CAMSAP2: variants seen among roughly 807,000 people sequenced by gnomAD.
CAMSAP2 encodes the protein calmodulin regulated spectrin associated protein family member 2, also known as calmodulin-regulated spectrin-associated protein 2.
CAMSAP2 carries 26 observed loss-of-function variants against 146.1 expected under a neutral mutation model. The ratio of observed to expected loss-of-function variants is 0.18; its 90% CI spans 0.13 to 0.25. CAMSAP2 has a LOEUF of 0.25. CAMSAP2 is among the 10% of genes least tolerant of loss of function. The pLI is 1.00. For synonymous variants in CAMSAP2, 499 were observed against 596.6 expected, an observed-to-expected ratio of 0.84 and a Z score of 2.38; for missense variants, 1,381 against 1,759.3, an observed-to-expected ratio of 0.78 and a Z score of 3.85.
chr1:200,820,555 G>A (rs1225225609), intron 4 of CAMSAP2, among the ~76,000 whole-genome samples: 1 of 152,164 alleles, frequency 6.6e-6, no homozygotes, highest in Non-Finnish European at 1.5e-5. Flanking sequence ...CCCCCTGTGA[G>A]AGAGTAGGTA....
Position 200,853,474 on chromosome 1 carries a change from ACAC to A in CAMSAP2, c.3805_3807del (p.Pro1269del). On this transcript the variant is annotated inframe_deletion, in exon 13 of 17. Transcript: ENST00000358823. This position sits in a 1 kb window ranked among gnomAD's most constrained non-coding sequence, Gnocchi z 5.1. Reference sequence around the variant, plus strand: ...CAGAGATCATATTGAATCCCCCAAAACACCAATAAAGGGTCCTCCAGGTAACAT... The same window carrying A: ...CAGAGATCATATTGAATCCCCCAAAACAATAAAGGGTCCTCCAGGTAACAT... The A allele has an allele frequency of 6.2e-7, 1 of 1,613,050 alleles. No homozygotes were observed. Among genetic ancestry groups the A allele is most frequent in the African/African-American group, 1.3e-5 (1 of 74,946 alleles).
intron 2 of CAMSAP2, among the ~76,000 whole-genome samples, chr1:200,788,099 T>A (rs1180012876): frequency 6.6e-6 from 1 of 152,184 alleles, no homozygotes; most frequent in Non-Finnish European, 1.5e-5. Context: ...CTGCAATATA[T>A]CCAAGGAGTG....
At chr1:200,740,033 C>A (rs1664111443) in intron 1 of CAMSAP2, 67 bp downstream of exon 1, 7 of 1,558,964 alleles carry the variant, frequency 4.5e-6, no homozygotes, top group Non-Finnish European at 5.3e-6. Flanking sequence ...TTTTTGTTCC[C>A]GATTCTCGAA....
At chr1:200,833,367 A>G (rs1449713513) in intron 6 of CAMSAP2, among the ~76,000 whole-genome samples, 1 of 152,012 alleles carries the variant, frequency 6.6e-6, no homozygotes, top group Non-Finnish European at 1.5e-5. Context: ...TCAAGACCAG[A>G]CTGGGCAACA....
In CAMSAP2 at chr1:200,823,090, T is replaced by C. The variant is rs114357336; in HGVS notation, c.645+7446T>C. Among the ~76,000 whole-genome samples the C allele has an allele frequency of 2.7e-3, 405 of 152,310 alleles. 3 individuals are homozygous for C. The highest frequency in any genetic ancestry group is 9.0e-3 in the African/African-American group (373 of 41,572). On this transcript the variant is annotated intron_variant, in intron 4 of 16. Coordinates refer to ENST00000358823, the MANE Select transcript of CAMSAP2 (RefSeq NM_203459.4). ...AGATTTAGCATTCATTGAATATACC[T>C]ACCTGAATTAATTTTACTATGATAG...
At chr1:200,782,782 CTTTTTTTTT>C (rs57995961) in intron 2 of CAMSAP2, among the ~76,000 whole-genome samples, 25 of 72,284 alleles carry the variant, frequency 3.5e-4, no homozygotes, top group South Asian at 1.0e-3. Context: ...TCATTTCTCT[CTTTTTTTTT>C]TTTTTTTTTT....
intron 6 of CAMSAP2, among the ~76,000 whole-genome samples, chr1:200,840,245 C>T (rs1293978110): frequency 6.6e-6 from 1 of 152,104 alleles, no homozygotes; most frequent in Non-Finnish European, 1.5e-5. Flanking sequence ...AGACAAAAAC[C>T]TAAGAGTCAT....
intron 4 of CAMSAP2, among the ~76,000 whole-genome samples, chr1:200,816,775 CGTGTATATATGTGTGT>C (rs1666523701): frequency 8.8e-6 from 1 of 113,140 alleles, no homozygotes; most frequent in African/African-American, 3.3e-5. Context: ...CACACACACG[CGTGTATATATGTGTGT>C]ACACACACAC....
intron 4 of CAMSAP2, among the ~76,000 whole-genome samples, chr1:200,817,272 A>ACACACACATGTGTGTGTG (rs1553288883): frequency 8.3e-6 from 1 of 119,822 alleles, no homozygotes. Context: ...ATACACACAT[A>ACACACACATGTGTGTGTG]TATATATATT....
At chr1:200,817,304 C>T (rs1203031370) in intron 4 of CAMSAP2, among the ~76,000 whole-genome samples, 1 of 140,814 alleles carries the variant, frequency 7.1e-6, no homozygotes, top group Non-Finnish European at 1.6e-5. Context: ...CCAAAATGTA[C>T]AGTATGGTTG....
rs569721295 is a variant in CAMSAP2, at chr1:200,743,282, A to G, written c.139+3316A>G. Among the ~76,000 whole-genome samples, 23 of 151,244 alleles carry G rather than the reference A, an allele frequency of 1.5e-4. No individual in the cohort carries two copies. The South Asian group carries it at 4.8e-3, about 32-fold the overall frequency. ...AAGGCCCACTTCCTAGTGTCAGTTT[A>G]TCACTTCAATCTTCTCAACTATTAT... On this transcript the variant is annotated intron_variant, in intron 1 of 16. Transcript: ENST00000358823.
At chr1:200,796,708 A>G (rs1378917413) in intron 2 of CAMSAP2, among the ~76,000 whole-genome samples, 1 of 149,872 alleles carries the variant, frequency 6.7e-6, no homozygotes, top group African/African-American at 2.5e-5. Context: ...TTTAGGGTAC[A>G]TGTGCACATT....
chr1:200,849,239 C>G lies in CAMSAP2; in HGVS notation c.2470C>G (p.Gln824Glu). The G allele has an allele frequency of 6.2e-7, 1 of 1,613,668 alleles. No homozygotes were observed. ...YTDRAKEKES[Q>E]KTDGQRSKSL... The stretch of plus-strand genomic sequence containing the variant: ...TGATCGAGCAAAAGAAAAGGAATCA[C>G]AAAAAACTGATGGACAAAGGAGCAA... Residue 824 changes from glutamine to glutamate, a missense_variant, in exon 11 of 17, where the codon CAA becomes GAA. Coordinates refer to ENST00000358823, the MANE Select transcript of CAMSAP2 (RefSeq NM_203459.4). This position sits in a 1 kb window ranked among gnomAD's most constrained non-coding sequence, Gnocchi z 6.3.
At chr1:200,743,364 C>A (rs962022301) in intron 1 of CAMSAP2, among the ~76,000 whole-genome samples, 2 of 152,126 alleles carry the variant, frequency 1.3e-5, no homozygotes, top group African/African-American at 4.8e-5. Context: ...CATAAATATA[C>A]CTTGTTACAT....
At position 200,739,659 on chromosome 1, in the gene CAMSAP2, C is replaced by A; in HGVS notation, c.-169C>A. ...CGGCGGCGGCTCCCGCGGGAGGCGG[C>A]AGGCGCGCGGCGCGGACAGCTGAGC... On this transcript the variant is annotated 5_prime_UTR_variant, in exon 1 of 17. Coordinates refer to ENST00000358823, the MANE Select transcript of CAMSAP2 (RefSeq NM_203459.4). This position sits in a 1 kb window ranked among gnomAD's most constrained non-coding sequence, Gnocchi z 4.8. The A allele has an allele frequency of 8.2e-6, 4 of 490,622 alleles. No individual in the cohort carries two copies. The highest frequency in any genetic ancestry group is 1.3e-5 in the Non-Finnish European group (4 of 319,450). The allele number at this position is 490,622 out of a possible 1,614,324, so 30.4% of individuals were successfully genotyped here. A position where few individuals can be genotyped will look rare whatever the true frequency, so the allele number is the denominator to read the frequency against.
chr1:200,817,183 C>CACATATAAGTGTGTGTAT lies in CAMSAP2; in HGVS notation c.645+1542_645+1543insTATAAGTGTGTGTATACA, dbSNP rs1558192066. Among the ~76,000 whole-genome samples, 13 of 66,318 alleles carry CACATATAAGTGTGTGTAT rather than the reference C, an allele frequency of 2.0e-4. 1 individual carries two copies. The highest frequency in any genetic ancestry group is 3.2e-4 in the Non-Finnish European group (12 of 37,508). 43.5% of individuals were successfully genotyped at this position (66,318 alleles called of 152,430 possible). On this transcript the variant is annotated intron_variant, in intron 4 of 16. Coordinates refer to ENST00000358823, the MANE Select transcript of CAMSAP2 (RefSeq NM_203459.4). ...ACACACACGTGTGTGTATATACACA[C>CACATATAAGTGTGTGTAT]ACACACATGTGTGTGTGTATACACA...
chr1:200,816,695 C>T (rs1409811767), intron 4 of CAMSAP2, among the ~76,000 whole-genome samples: 1 of 134,098 alleles, frequency 7.5e-6, no homozygotes, highest in Admixed American at 7.5e-5. Context: ...TGTACATGCA[C>T]ACATATATGT....
intron 1 of CAMSAP2, among the ~76,000 whole-genome samples, chr1:200,743,856 G>A (rs563506071): frequency 2.6e-5 from 4 of 152,170 alleles, no homozygotes; most frequent in Admixed American, 6.6e-5. Flanking sequence ...CAGGATAATC[G>A]CTTGAACCCA....
At chr1:200,821,178 C>CTTTTTTT (rs796304937) in intron 4 of CAMSAP2, among the ~76,000 whole-genome samples, 3 of 144,734 alleles carry the variant, frequency 2.1e-5, no homozygotes, top group African/African-American at 2.5e-5. Flanking sequence ...GCTTCTTCTT[C>CTTTTTTT]TTCTTTTTTT....
Sources: gnomAD v4.1 joint callset for allele counts (sites outside exome capture counted in the v4.1 genomes callset) on GRCh38, gnomAD v4.1.1 for gene constraint, Gnocchi (gnomAD v3.1) non-coding constraint, MANE v1.5 for transcripts, NCBI Gene and HGNC (gene_info 2026-07-23, HGNC 2026-07-21) for gene names.